Variants in SENP5 observed in about 807,000 individuals in gnomAD.
SENP5 encodes sentrin-specific protease 5.
A neutral mutation model predicts 74.2 loss-of-function variants in SENP5; 21 were observed. The observed-to-expected ratio is 0.28, with a 90% CI of 0.20 to 0.41. SENP5 has a LOEUF of 0.41. Among genes scored for constraint, SENP5 ranks in the 10% least tolerant of loss-of-function variants. SENP5 has a pLI of 1.00. For synonymous variants in SENP5, 311 were observed against 312.7 expected (o/e 0.99, Z 0.06); for missense variants, 717 against 889.1 (o/e 0.81, Z 2.46).
chr3:196,897,326 T>G (rs1010553025), intron 2 of SENP5, among the ~76,000 whole-genome samples: 1 of 152,172 alleles, frequency 6.6e-6, no homozygotes, highest in Non-Finnish European at 1.5e-5. Context: ...TAGTAAACAC[T>G]AGAGGCAAGT....
chr3:196,888,532 T>C (rs1714070891), intron 2 of SENP5, among the ~76,000 whole-genome samples: 2 of 151,794 alleles, frequency 1.3e-5, no homozygotes, highest in African/African-American at 2.4e-5. Context: ...TGCAGTGAGC[T>C]TAGGTTATGC....
At chr3:196,874,579 CT>C (rs1183479696) in intron 1 of SENP5, among the ~76,000 whole-genome samples, 2 of 151,998 alleles carry the variant, frequency 1.3e-5, no homozygotes, top group African/African-American at 2.4e-5. Flanking sequence ...TTTGCTTAGT[CT>C]TTCTTTATTT....
Position 196,931,036 on chromosome 3 carries a change from C to T in SENP5, c.*113C>T. 1.4e-6 allele frequency: 1 copy of T among 689,700 alleles called. No individual in the cohort carries two copies. The highest frequency in any genetic ancestry group is 2.6e-6 in the Non-Finnish European group (1 of 384,524). The allele number at this position is 689,700 out of a possible 1,614,324, so 42.7% of individuals were successfully genotyped here. On this transcript the variant is annotated 3_prime_UTR_variant, in exon 10 of 10. Transcript: ENST00000323460. ...GATATTTCAGATCAGTGGTGTTGGG[C>T]CACTATTGTTACCTCAAATTTATTT... is the stretch of plus-strand genomic sequence containing the variant.
At chr3:196,879,055 T>C (rs1224772068) in intron 1 of SENP5, among the ~76,000 whole-genome samples, 1 of 152,220 alleles carries the variant, frequency 6.6e-6, no homozygotes, top group Non-Finnish European at 1.5e-5. Flanking sequence ...ACTATAGGGA[T>C]GCTATAAGGG....
intron 6 of SENP5, 114 bp downstream of exon 6, chr3:196,903,724 T>C: frequency 1.7e-6 from 1 of 593,436 alleles, no homozygotes; most frequent in African/African-American, 1.9e-5. Flanking sequence ...ACAGACTTTT[T>C]AATGTGACAA....
At position 196,886,018 on chromosome 3, in the gene SENP5, T is replaced by C. The variant is rs780291917; in HGVS notation, c.837T>C (p.Arg279=). 6 of 1,613,964 alleles carry C rather than the reference T, an allele frequency of 3.7e-6. No individual in the cohort carries two copies. In the East Asian group the frequency reaches 6.7e-5, roughly 18 times the overall value. Reference sequence around the variant, plus strand: ...TCACTGGGGACCATCAAGAGACCCGTAGGGAGAACGGTGAGGGTGGCAGTT... The same window carrying C: ...TCACTGGGGACCATCAAGAGACCCGCAGGGAGAACGGTGAGGGTGGCAGTT... The part of the protein sequence containing the change: ...QKVTGDHQET[R]RENGEGGSCS... Residue 279 remains arginine, a synonymous_variant, in exon 2 of 10, where the codon CGT becomes CGC. Transcript: ENST00000323460.
chr3:196,920,364 A>T (rs752214426), intron 6 of SENP5, among the ~76,000 whole-genome samples: 6 of 152,206 alleles, frequency 3.9e-5, no homozygotes, highest in African/African-American at 7.2e-5. Context: ...TGTATATAGA[A>T]ATACAGTTGA....
At chr3:196,912,410 G>A (rs745552139) in intron 6 of SENP5, among the ~76,000 whole-genome samples, 4 of 152,042 alleles carry the variant, frequency 2.6e-5, no homozygotes, top group African/African-American at 4.8e-5. Context: ...AACATACACC[G>A]GGGCCTGTCA....
chr3:196,925,213 TTAAC>T (rs1715769104), intron 7 of SENP5, among the ~76,000 whole-genome samples: 2 of 152,044 alleles, frequency 1.3e-5, no homozygotes, highest in Non-Finnish European at 1.5e-5. Context: ...ATTTGTTTAA[TTAAC>T]ATTTAATTTA....
chr3:196,876,816 C>T (rs1343857620), intron 1 of SENP5, among the ~76,000 whole-genome samples: 2 of 150,258 alleles, frequency 1.3e-5, no homozygotes, highest in African/African-American at 4.9e-5. Flanking sequence ...AAAGTTGGGG[C>T]GAGCTCTGAT....
At position 196,886,594 on chromosome 3, in the gene SENP5, G is replaced by T; in HGVS notation, c.1413G>T (p.Leu471Phe). Residue 471 changes from leucine to phenylalanine, a missense_variant, in exon 2 of 10, where the codon TTG becomes TTT. Physicochemically the swap from Leu to Phe is conservative, Grantham distance 22. This residue lies in a region of SENP5 where 567 missense variants were observed against 577.4 expected (regional missense o/e 0.98). Coordinates refer to ENST00000323460, the MANE Select transcript of SENP5 (RefSeq NM_152699.5). ...PYCKSPLEAPLVCSGLKLENQ... is the reference protein window; with the variant it reads ...PYCKSPLEAPFVCSGLKLENQ... Reference sequence around the variant, plus strand: ...GTAAAAGTCCACTGGAGGCTCCCTTGGTGTGCAGTGGACTCAAACTAGAAA... The same window carrying T: ...GTAAAAGTCCACTGGAGGCTCCCTTTGTGTGCAGTGGACTCAAACTAGAAA... 6 of 1,613,452 alleles carry T rather than the reference G, an allele frequency of 3.7e-6. No individual in the cohort carries two copies. Among genetic ancestry groups the T allele is most frequent in the Non-Finnish European group, 5.1e-6 (6 of 1,179,804 alleles).
At chr3:196,871,552 C>G (rs1303388576) in intron 1 of SENP5, among the ~76,000 whole-genome samples, 1 of 151,984 alleles carries the variant, frequency 6.6e-6, no homozygotes, top group African/African-American at 2.4e-5. Flanking sequence ...AATTTTTTAA[C>G]TTAATTTTGT....
At chr3:196,914,115 CTAATATAT>C (rs1207908813) in intron 6 of SENP5, 1 of 152,068 alleles carries the variant, frequency 6.6e-6, no homozygotes, top group Non-Finnish European at 1.5e-5. Flanking sequence ...TTAGTATAGA[CTAATATAT>C]TCAGGGGTCA....
At chr3:196,875,411 G>T (rs1713413920) in intron 1 of SENP5, among the ~76,000 whole-genome samples, 1 of 152,124 alleles carries the variant, frequency 6.6e-6, no homozygotes, top group Non-Finnish European at 1.5e-5. Context: ...ATTGCAGGTA[G>T]AATGATTTTT....
At chr3:196,926,426 G>A (rs1293288431) in intron 7 of SENP5, among the ~76,000 whole-genome samples, 2 of 149,846 alleles carry the variant, frequency 1.3e-5, no homozygotes, top group African/African-American at 2.5e-5. Context: ...AGGTTGCAGC[G>A]AGCCGAGATC....
At chr3:196,868,645 C>A (rs1713050431) in intron 1 of SENP5, among the ~76,000 whole-genome samples, 1 of 152,140 alleles carries the variant, frequency 6.6e-6, no homozygotes, top group South Asian at 2.1e-4. Flanking sequence ...GGACTTAGAG[C>A]GAGAATAGCC....
intron 1 of SENP5, among the ~76,000 whole-genome samples, chr3:196,874,456 CAACAACCTTT>C (rs1036841247): frequency 1.3e-5 from 2 of 152,052 alleles, no homozygotes; most frequent in Non-Finnish European, 2.9e-5. Context: ...CTCGACTTCT[CAACAACCTTT>C]AACTGACCAT....
At chr3:196,899,890 T>C in intron 3 of SENP5, 34 bp from the exon 4 acceptor site, 1 of 1,608,224 alleles carries the variant, frequency 6.2e-7, no homozygotes, top group Non-Finnish European at 8.5e-7. Flanking sequence ...CTCATGTTTT[T>C]TTTACCTTTT....
chr3:196,890,038 A>T (rs570545020), intron 2 of SENP5, among the ~76,000 whole-genome samples: 33 of 152,350 alleles, frequency 2.2e-4, no homozygotes, highest in African/African-American at 5.8e-4. Context: ...AGAGTGAGGA[A>T]CATCCATTTT....
Sources: gnomAD v4.1 joint callset for allele counts (sites outside exome capture counted in the v4.1 genomes callset) on GRCh38, gnomAD v4.1.1 for gene constraint, gnomAD v4.1.1 regional missense constraint, MANE v1.5 for transcripts, NCBI Gene and HGNC (gene_info 2026-07-23, HGNC 2026-07-21) for gene names.